The following VPS41 variants were observed in gnomAD, a reference collection of about 807,000 sequenced individuals.
VPS41 encodes the protein VPS41 subunit of HOPS complex.
VPS41 carries 85 observed loss-of-function variants against 130.9 expected under a neutral mutation model. The observed-to-expected ratio is 0.65, with a 90% confidence interval of 0.55 to 0.78. The LOEUF (loss-of-function observed/expected upper bound fraction) is 0.78. VPS41 is among the 30% of genes least tolerant of loss of function. The pLI is 0.00. For missense variants in VPS41, 874 were observed against 1,018.7 expected, an observed-to-expected ratio of 0.86 and a Z score of 1.93; for synonymous variants, 335 against 332.9, an observed-to-expected ratio of 1.01 and a Z score of -0.07.
intron 21 of VPS41, among the ~76,000 whole-genome samples, chr7:38,752,698 A>G (rs547466159): frequency 2.6e-5 from 4 of 152,368 alleles, no homozygotes; most frequent in African/African-American, 9.6e-5. Flanking sequence ...TGTTAATGAC[A>G]GTAGTTGTCA....
intron 6 of VPS41, among the ~76,000 whole-genome samples, chr7:38,819,649 G>C (rs1001428173): frequency 5.9e-5 from 9 of 151,918 alleles, no homozygotes; most frequent in African/African-American, 1.9e-4. Flanking sequence ...CACTGCATTC[G>C]ACACTGCTGA....
At chr7:38,863,506 A>G (rs950712548) in intron 3 of VPS41, among the ~76,000 whole-genome samples, 3 of 152,222 alleles carry the variant, frequency 2.0e-5, no homozygotes, top group African/African-American at 7.2e-5. Flanking sequence ...ATAACCTTAC[A>G]GAAAGTCAAG....
chr7:38,905,012 T>C (rs1052097715), intron 1 of VPS41, among the ~76,000 whole-genome samples: 3 of 152,188 alleles, frequency 2.0e-5, no homozygotes, highest in African/African-American at 4.8e-5. Flanking sequence ...CCACATTACA[T>C]CTGAATTAAT....
intron 27 of VPS41, 45 bp from the exon 28 acceptor site, chr7:38,727,033 C>A (rs185445941): frequency 1.4e-6 from 2 of 1,452,760 alleles, no homozygotes; most frequent in East Asian, 2.6e-5. Flanking sequence ...ATGCAACAAG[C>A]AAGATCATTT....
At chr7:38,908,942 G>A (rs1787327642) in intron 1 of VPS41, among the ~76,000 whole-genome samples, 1 of 152,218 alleles carries the variant, frequency 6.6e-6, no homozygotes, top group South Asian at 2.1e-4. Context: ...ACGCGGGGGT[G>A]TGTCAGAGCG....
At chr7:38,905,037 G>T (rs1392820325) in intron 1 of VPS41, among the ~76,000 whole-genome samples, 2 of 152,120 alleles carry the variant, frequency 1.3e-5, no homozygotes, top group Non-Finnish European at 2.9e-5. Flanking sequence ...TAAAAAAGGT[G>T]CAAGTAAGAT....
intron 2 of VPS41, among the ~76,000 whole-genome samples, chr7:38,870,738 TCAAAAAA>T (rs1477545895): frequency 1.6e-4 from 11 of 68,502 alleles, no homozygotes; most frequent in South Asian, 7.2e-4. Context: ...GACTATATGT[TCAAAAAA>T]AAAAAAAAAA....
At chr7:38,843,074 A>C in intron 4 of VPS41, among the ~76,000 whole-genome samples, 1 of 152,226 alleles carries the variant, frequency 6.6e-6, no homozygotes, top group East Asian at 1.9e-4. Flanking sequence ...AAGACAACTA[A>C]AGAGCAGAAT....
intron 25 of VPS41, among the ~76,000 whole-genome samples, chr7:38,729,788 C>T (rs185437468): frequency 3.3e-5 from 5 of 152,266 alleles, no homozygotes; most frequent in African/African-American, 7.2e-5. Context: ...CAGGGACAGG[C>T]GACACTTTAC....
Position 38,869,290 on chromosome 7 carries a change from G to A in VPS41, c.61-37C>T. On this transcript the variant is annotated intron_variant, in intron 2 of 28. Transcript: ENST00000310301. ...GCAAAGAAAAATGACACCCGTCAGA[G>A]ATTTATTTGTTTTGAAAACCTCAAA... 4 of 1,477,212 alleles carry A rather than the reference G, an allele frequency of 2.7e-6. No individual in the cohort carries two copies. The South Asian group carries it at 3.5e-5, about 13-fold the overall frequency. 91.5% of individuals were successfully genotyped at this position (1,477,212 alleles called of 1,614,324 possible). A position where few individuals can be genotyped will look rare whatever the true frequency, so the allele number is the denominator to read the frequency against.
intron 3 of VPS41, 96 bp from the exon 4 acceptor site, chr7:38,862,718 A>G: frequency 1.4e-6 from 1 of 705,114 alleles, no homozygotes; most frequent in Non-Finnish European, 2.4e-6. Context: ...TGCTTAATGC[A>G]TAAATGATCT....
At chr7:38,879,862 C>CTA (rs1191099377) in intron 2 of VPS41, among the ~76,000 whole-genome samples, 29 of 146,382 alleles carry the variant, frequency 2.0e-4, no homozygotes, top group Non-Finnish European at 1.2e-4. Flanking sequence ...AATCAAGTAT[C>CTA]TTAATAAAGG....
At chr7:38,742,194 A>T in intron 24 of VPS41, 73 bp from the exon 25 acceptor site, 1 of 1,399,528 alleles carries the variant, frequency 7.1e-7, no homozygotes, top group South Asian at 1.4e-5. Context: ...CATAATTTGC[A>T]TATAATGCAA....
At position 38,723,739 on chromosome 7, in the gene VPS41, A is replaced by AAG. The variant is rs1562560142; in HGVS notation, c.*2506_*2507insCT. 6.7e-6 allele frequency: 1 copy of AAG among 149,866 alleles called. No individual in the cohort carries two copies. The highest frequency in any genetic ancestry group is 2.5e-5 in the African/African-American group (1 of 40,486). 9.3% of individuals were successfully genotyped at this position (149,866 alleles called of 1,614,324 possible). A position where few individuals can be genotyped will look rare whatever the true frequency, so the allele number is the denominator to read the frequency against. The stretch of plus-strand genomic sequence containing the variant: ...ACTCCATCTCAAAAAAAAAAAAAAA[A>AAG]AAAAAAAAAAAAAGAATAGCTTATG... On this transcript the variant is annotated 3_prime_UTR_variant, in exon 29 of 29. Coordinates refer to ENST00000310301, the MANE Select transcript of VPS41 (RefSeq NM_014396.4).
At chr7:38,844,062 G>A (rs1785671853) in intron 4 of VPS41, among the ~76,000 whole-genome samples, 1 of 152,204 alleles carries the variant, frequency 6.6e-6, no homozygotes, top group Non-Finnish European at 1.5e-5. Context: ...AAGTTACATA[G>A]TAGCTAAAAA....
chr7:38,791,134 T>C (rs1784528020), intron 9 of VPS41, among the ~76,000 whole-genome samples: 1 of 152,208 alleles, frequency 6.6e-6, no homozygotes, highest in Non-Finnish European at 1.5e-5. Flanking sequence ...CCTTGATTGC[T>C]TTTTGCCATT....
At chr7:38,784,447 C>T (rs1349534553) in intron 10 of VPS41, among the ~76,000 whole-genome samples, 2 of 151,964 alleles carry the variant, frequency 1.3e-5, no homozygotes, top group East Asian at 3.9e-4. Flanking sequence ...CCAGCATGGG[C>T]AACAAAAGGA....
At chr7:38,779,432 T>A (rs1265630940) in intron 10 of VPS41, among the ~76,000 whole-genome samples, 2 of 152,172 alleles carry the variant, frequency 1.3e-5, no homozygotes, top group African/African-American at 4.8e-5. Flanking sequence ...AATTAAGAAT[T>A]CCAAAATAAT....
At chr7:38,728,896 T>C (rs1795602761) in intron 25 of VPS41, 105 bp from the exon 26 acceptor site, 1 of 974,670 alleles carries the variant, frequency 1.0e-6, no homozygotes. Context: ...CTTGAAATAC[T>C]CAAAAGGGGC....
Sources: gnomAD v4.1 joint callset for allele counts (sites outside exome capture counted in the v4.1 genomes callset) on GRCh38, gnomAD v4.1.1 for gene constraint, MANE v1.5 for transcripts, NCBI Gene and HGNC (gene_info 2026-07-23, HGNC 2026-07-21) for gene names.